Variants in ABCG1 observed in about 807,000 individuals in gnomAD.
ABCG1 encodes the protein ATP-binding cassette sub-family G member 1.
Under a neutral mutation model 69.2 loss-of-function variants are expected in ABCG1, and 29 were observed. The observed-to-expected ratio is 0.42, with a 90% confidence interval of 0.31 to 0.57. ABCG1 has a LOEUF of 0.57. Among genes scored for constraint, ABCG1 ranks in the 20% least tolerant of loss-of-function variants. The probability of loss-of-function intolerance (pLI) is 0.15; values close to 1 mark genes in which losing one functional copy is unlikely to be tolerated. For synonymous variants in ABCG1, 370 were observed against 374.8 expected (o/e 0.99, Z 0.15); for missense variants, 718 against 898.1 (o/e 0.80, Z 2.56).
At chr21:42,283,493 C>T (rs559170660) in intron 6 of ABCG1, among the ~76,000 whole-genome samples, 173 of 152,318 alleles carry the variant, frequency 1.1e-3, no homozygotes, top group Non-Finnish European at 2.0e-3. Context: ...CAGTGAAACA[C>T]CTGCTGGAGT....
chr21:42,290,360 C>A, intron 11 of ABCG1, 142 bp downstream of exon 11: 1 of 927,426 alleles, frequency 1.1e-6, no homozygotes, highest in Non-Finnish European at 1.6e-6. Context: ...TCTTTGTTGA[C>A]AGATGCAAGT....
intron 2 of ABCG1, among the ~76,000 whole-genome samples, chr21:42,244,202 T>C (rs2068099116): frequency 6.6e-6 from 1 of 152,186 alleles, no homozygotes; most frequent in African/African-American, 2.4e-5. Flanking sequence ...TTGCAGAGGC[T>C]GGAACATGAG....
intron 1 of ABCG1, among the ~76,000 whole-genome samples, chr21:42,223,503 G>A (rs1249824144): frequency 1.3e-5 from 2 of 151,960 alleles, no homozygotes; most frequent in African/African-American, 4.8e-5. Context: ...GAGTCCTCAA[G>A]GCGACGGCCC....
At chr21:42,202,989 G>C (rs536538031) in intron 2 of ABCG1, among the ~76,000 whole-genome samples, 3 of 152,246 alleles carry the variant, frequency 2.0e-5, no homozygotes, top group South Asian at 4.1e-4. Context: ...CAATGGAACA[G>C]AATAGAAAAC....
chr21:42,212,431 G>C (rs1189375503), upstream of ABCG1, among the ~76,000 whole-genome samples: 3 of 152,158 alleles, frequency 2.0e-5, no homozygotes, highest in East Asian at 5.8e-4. Context: ...AATGCTGATA[G>C]AAGTATGGAT....
chr21:42,275,997 G>A (rs1419976110), intron 4 of ABCG1, among the ~76,000 whole-genome samples: 26 of 56,266 alleles, frequency 4.6e-4, no homozygotes, highest in African/African-American at 1.8e-3. Flanking sequence ...CCCACACCCC[G>A]CCCCCCTCCC....
At chr21:42,219,022 A>G, upstream of ABCG1, 2 of 231,400 alleles carry the variant, frequency 8.6e-6, no homozygotes, top group Non-Finnish European at 1.6e-5. This position sits in a 1 kb window ranked among gnomAD's most constrained non-coding sequence, Gnocchi z 5.3. Context: ...CGCCCCCAGC[A>G]GGAGCAAAAC....
intron 2 of ABCG1, among the ~76,000 whole-genome samples, chr21:42,235,249 C>G (rs1185854411): frequency 2.0e-5 from 3 of 152,132 alleles, no homozygotes; most frequent in Non-Finnish European, 4.4e-5. Flanking sequence ...TGGGAGACCC[C>G]GGGAATGGAA....
upstream of ABCG1, among the ~76,000 whole-genome samples, chr21:42,218,627 C>A (rs1173164157): frequency 3.4e-5 from 5 of 145,842 alleles, no homozygotes; most frequent in African/African-American, 1.2e-4. Flanking sequence ...CACCCCACAC[C>A]GGTGCTGTTG....
At position 42,251,084 on chromosome 21, in the gene ABCG1, C is replaced by T. The variant is rs150494036; in HGVS notation, c.287-19986C>T. ...GGAGCTAGGGCTGTCACTATCTCCT[C>T]TGGAATACAGAGGCCCACGGTCGGT... is the stretch of plus-strand genomic sequence containing the variant. On this transcript the variant is annotated intron_variant, in intron 2 of 14. Coordinates refer to ENST00000398449, the MANE Select transcript of ABCG1 (RefSeq NM_016818.3). Among the ~76,000 whole-genome samples the T allele has an allele frequency of 4.0e-3, 606 of 152,278 alleles. 5 individuals carry two copies. Among genetic ancestry groups the T allele is most frequent in the African/African-American group, 0.014 (582 of 41,544 alleles).
At chr21:42,285,143 C>T (rs2068916438) in intron 7 of ABCG1, among the ~76,000 whole-genome samples, 1 of 152,032 alleles carries the variant, frequency 6.6e-6, no homozygotes, top group Admixed American at 6.5e-5. Context: ...GGAGGGGGGA[C>T]ACTTGTTTTC....
At chr21:42,265,456 G>A (rs1482883798) in intron 2 of ABCG1, among the ~76,000 whole-genome samples, 4 of 152,202 alleles carry the variant, frequency 2.6e-5, no homozygotes, top group Non-Finnish European at 4.4e-5. Flanking sequence ...TGGGAATTTG[G>A]ACACAGAGTC....
At chr21:42,256,263 C>T (rs1170369525) in intron 2 of ABCG1, 1 of 1,496,402 alleles carries the variant, frequency 6.7e-7, no homozygotes, top group African/African-American at 1.4e-5. Flanking sequence ...GAACACTTAC[C>T]TGCCTGCCCT....
Position 42,296,035 on chromosome 21 carries a change from A to C in ABCG1, c.1773-129A>C. On this transcript the variant is annotated intron_variant, in intron 14 of 14. Coordinates refer to ENST00000398449, the MANE Select transcript of ABCG1 (RefSeq NM_016818.3). The surrounding 1 kb of genome is among the most constrained non-coding windows in gnomAD (Gnocchi z 5.4). ...TGGGCGGTGAGGAAGTATTCTGGGG[A>C]AGGCGGCCCTTTGGGAAGGGAGGAT... is the stretch of plus-strand genomic sequence containing the variant. 1 of 702,390 alleles carries C rather than the reference A, an allele frequency of 1.4e-6. No individual in the cohort carries two copies. 43.5% of individuals were successfully genotyped at this position (702,390 alleles called of 1,614,324 possible).
rs75549180 is a variant in ABCG1 at position 42,230,327 on chromosome 21, G to A, written c.286+4413G>A. On this transcript the variant is annotated intron_variant, in intron 2 of 14. Coordinates refer to ENST00000398449, the MANE Select transcript of ABCG1 (RefSeq NM_016818.3). ...CTCAGGAGAGAGGAGTACACCCCAA[G>A]GATAATTTCCCCGGCCTCAGATACA... is the stretch of plus-strand genomic sequence containing the variant. Among the ~76,000 whole-genome samples the A allele has an allele frequency of 3.3e-5, 5 of 152,358 alleles. No homozygotes were observed. In the East Asian group the frequency reaches 9.6e-4, roughly 29 times the overall value.
At chr21:42,225,580 C>A in intron 1 of ABCG1, 91 bp from the exon 2 acceptor site, 1 of 1,502,228 alleles carries the variant, frequency 6.7e-7, no homozygotes, top group Admixed American at 1.9e-5. Context: ...TATTAATAAC[C>A]AATGACCCTG....
At chr21:42,263,762 G>A (rs938672635) in intron 2 of ABCG1, among the ~76,000 whole-genome samples, 15 of 152,214 alleles carry the variant, frequency 9.9e-5, no homozygotes, top group Admixed American at 2.6e-4. Flanking sequence ...CTGTGGGGAG[G>A]GGCCAGGCGG....
chr21:42,233,780 C>T (rs759721765), intron 2 of ABCG1, among the ~76,000 whole-genome samples: 4 of 152,214 alleles, frequency 2.6e-5, no homozygotes, highest in South Asian at 2.1e-4. Context: ...AGTGGGCAGG[C>T]GCCCCTGCTG....
intron 13 of ABCG1, among the ~76,000 whole-genome samples, chr21:42,294,163 G>A (rs1263002313): frequency 1.3e-5 from 2 of 152,126 alleles, no homozygotes; most frequent in African/African-American, 2.4e-5. Flanking sequence ...TGCCCCGACC[G>A]AAGGGGTGCC....
Sources: allele counts gnomAD v4.1 joint callset (sites outside exome capture counted in the v4.1 genomes callset), GRCh38; gene constraint gnomAD v4.1.1; non-coding constraint Gnocchi (gnomAD v3.1); transcripts MANE v1.5; gene names NCBI Gene and HGNC (gene_info 2026-07-23, HGNC 2026-07-21).